Variants in STPG2 observed in about 807,000 individuals in gnomAD.
STPG2 encodes sperm tail PG-rich repeat containing 2.
A neutral mutation model predicts 54.2 loss-of-function variants in STPG2; 56 were observed. The observed-to-expected ratio is 1.03, with a 90% CI of 0.83 to 1.29. The LOEUF (loss-of-function observed/expected upper bound fraction) is 1.29, where lower values mean the gene tolerates loss of function less well. Among genes scored for constraint, STPG2 ranks in the 50% most tolerant of loss-of-function variants. The pLI is 0.00. For missense variants in STPG2, 596 were observed against 544.9 expected (o/e 1.09, Z -0.93); for synonymous variants, 200 against 181.8 (o/e 1.10, Z -0.81).
intron 5 of STPG2, among the ~76,000 whole-genome samples, chr4:98,011,501 G>A (rs758738762): frequency 1.3e-4 from 20 of 152,168 alleles, no homozygotes; most frequent in Non-Finnish European, 2.5e-4. Context: ...GGGTCAAATA[G>A]TATTTCTGGT....
chr4:97,949,264 A>G (rs549063960), intron 7 of STPG2, among the ~76,000 whole-genome samples: 14 of 152,200 alleles, frequency 9.2e-5, no homozygotes, highest in Non-Finnish European at 2.1e-4. Context: ...TTCCATTTGC[A>G]TGGATTAACT....
chr4:97,770,028 T>A (rs1424145116), intron 9 of STPG2, among the ~76,000 whole-genome samples: 1 of 151,954 alleles, frequency 6.6e-6, no homozygotes, highest in East Asian at 1.9e-4. Context: ...CTGGTCAACA[T>A]GGCAAAACCC....
At chr4:98,141,942 G>GGAAA (rs1553945981) in intron 1 of STPG2, among the ~76,000 whole-genome samples, 3 of 96,892 alleles carry the variant, frequency 3.1e-5, no homozygotes, top group Non-Finnish European at 6.0e-5. Context: ...CAGTAGTTGG[G>GGAAA]AAAAAAAAAA....
intron 10 of STPG2, among the ~76,000 whole-genome samples, chr4:97,681,880 T>G (rs1464120099): frequency 6.6e-6 from 1 of 151,842 alleles, no homozygotes; most frequent in African/African-American, 2.4e-5. Flanking sequence ...TGTTACCAGT[T>G]TAGCATTTGC....
chr4:98,133,567 G>A (rs1034389072), intron 2 of STPG2, among the ~76,000 whole-genome samples: 1 of 151,958 alleles, frequency 6.6e-6, no homozygotes, highest in Admixed American at 6.6e-5. Context: ...AAGAATAGAT[G>A]TATAAAAATA....
intron 8 of STPG2, among the ~76,000 whole-genome samples, chr4:97,842,364 A>T (rs1560549929): frequency 6.6e-6 from 1 of 151,858 alleles, no homozygotes; most frequent in Non-Finnish European, 1.5e-5. Context: ...ATTTCCATGG[A>T]TTATTTGTGT....
intron 9 of STPG2, among the ~76,000 whole-genome samples, chr4:97,729,434 A>G (rs1031232070): frequency 6.6e-6 from 1 of 152,132 alleles, no homozygotes; most frequent in African/African-American, 2.4e-5. Context: ...ATTTTGGTGA[A>G]GCCACCTATA....
At chr4:97,537,712 G>A (rs1249057204) in intron 4 of STPG2, among the ~76,000 whole-genome samples, 1 of 152,164 alleles carries the variant, frequency 6.6e-6, no homozygotes, top group African/African-American at 2.4e-5. Context: ...CTCCCAGCAT[G>A]CAGCTTGAGA....
At chr4:97,825,868 A>G (rs1210844432) in intron 9 of STPG2, among the ~76,000 whole-genome samples, 1 of 152,230 alleles carries the variant, frequency 6.6e-6, no homozygotes, top group African/African-American at 2.4e-5. Context: ...AGTTTTAAAG[A>G]TTATTGGTAA....
chr4:98,130,878 C>T (rs546047131), intron 2 of STPG2, among the ~76,000 whole-genome samples: 20 of 142,854 alleles, frequency 1.4e-4, no homozygotes, highest in African/African-American at 4.9e-4. Flanking sequence ...GCCGAGATCA[C>T]GCCACTGCAC....
At chr4:97,756,923 G>C (rs1725748719) in intron 9 of STPG2, among the ~76,000 whole-genome samples, 2 of 151,988 alleles carry the variant, frequency 1.3e-5, no homozygotes, top group Admixed American at 6.6e-5. Context: ...TCTTTTGGTA[G>C]ATGCACCCCT....
chr4:97,755,417 A>T (rs1402016811), intron 9 of STPG2, among the ~76,000 whole-genome samples: 2 of 152,174 alleles, frequency 1.3e-5, no homozygotes, highest in African/African-American at 4.8e-5. Context: ...CTATTGTAAG[A>T]ATTCATCCAT....
At chr4:97,596,417 A>G (rs1255053667) in intron 10 of STPG2, among the ~76,000 whole-genome samples, 1 of 152,150 alleles carries the variant, frequency 6.6e-6, no homozygotes, top group Non-Finnish European at 1.5e-5. Context: ...CAAGCTACCT[A>G]ACAGACATCT....
At chr4:97,834,626 A>T (rs1452282594) in intron 9 of STPG2, among the ~76,000 whole-genome samples, 7 of 152,112 alleles carry the variant, frequency 4.6e-5, no homozygotes, top group African/African-American at 1.4e-4. Context: ...GAGAGAAAAA[A>T]ATATGTTTCA....
intron 5 of STPG2, among the ~76,000 whole-genome samples, chr4:98,007,197 GA>G (rs1735602846): frequency 6.6e-6 from 1 of 152,206 alleles, no homozygotes; most frequent in East Asian, 1.9e-4. Flanking sequence ...ACTGCAGCCA[GA>G]TCTTACCTGC....
At chr4:97,723,899 A>T (rs1724536998) in intron 9 of STPG2, among the ~76,000 whole-genome samples, 1 of 152,158 alleles carries the variant, frequency 6.6e-6, no homozygotes, top group South Asian at 2.1e-4. Context: ...ATCACCTCCA[A>T]CCAGGTCCCT....
At chr4:97,962,753 T>C (rs538421197) in intron 7 of STPG2, among the ~76,000 whole-genome samples, 158 of 152,330 alleles carry the variant, frequency 1.0e-3, no homozygotes, top group African/African-American at 3.7e-3. Context: ...AGAGTTTAAA[T>C]AACTTGCACG....
chr4:97,941,429 T>C (rs1732980785), intron 8 of STPG2, among the ~76,000 whole-genome samples: 1 of 152,174 alleles, frequency 6.6e-6, no homozygotes, highest in Admixed American at 6.5e-5. Flanking sequence ...GCTTCTAGAA[T>C]GCTCAGTAAA....
At chr4:97,696,449 T>C (rs1421168540) in intron 10 of STPG2, among the ~76,000 whole-genome samples, 1 of 152,206 alleles carries the variant, frequency 6.6e-6, no homozygotes, top group African/African-American at 2.4e-5. Context: ...AAAACCCTTT[T>C]AGACACTGGC....
Sources: allele counts gnomAD v4.1 joint callset (sites outside exome capture counted in the v4.1 genomes callset), GRCh38; gene constraint gnomAD v4.1.1; transcripts MANE v1.5; gene names NCBI Gene and HGNC (gene_info 2026-07-23, HGNC 2026-07-21).